CELSR1: variants seen among roughly 807,000 people sequenced by gnomAD.
CELSR1 encodes the protein adhesion G protein-coupled receptor C1.
A neutral mutation model predicts 249.1 loss-of-function variants in CELSR1; 110 were observed. The ratio of observed to expected loss-of-function variants is 0.44; its 90% confidence interval spans 0.38 to 0.52. The LOEUF (loss-of-function observed/expected upper bound fraction) is 0.52, where lower values mean the gene tolerates loss of function less well. Among genes scored for constraint, CELSR1 ranks in the 20% least tolerant of loss-of-function variants. The probability of loss-of-function intolerance (pLI) is 0.00; values close to 1 mark genes in which losing one functional copy is unlikely to be tolerated. For synonymous variants in CELSR1, 2,113 were observed against 1,900.0 expected (o/e 1.11, Z -2.92); for missense variants, 4,109 against 4,296.4 (o/e 0.96, Z 1.22).
chr22:46,524,923 G>T (rs1223937269), intron 1 of CELSR1, among the ~76,000 whole-genome samples: 1 of 152,092 alleles, frequency 6.6e-6, no homozygotes, highest in Non-Finnish European at 1.5e-5. Flanking sequence ...CCTCCACCTG[G>T]CAGGCAGCCC....
Position 46,472,140 on chromosome 22 carries a change from T to C in CELSR1, c.3545-7795A>G, listed in dbSNP as rs2080161925. On this transcript the variant is annotated intron_variant, in intron 1 of 34. Transcript: ENST00000674500. This position sits in a 1 kb window ranked among gnomAD's most constrained non-coding sequence, Gnocchi z 7.0. ...GAAGGGTGAGTCACCTCATTGTGGCTGAGACATGGGAAGGAGACAGAGCAG... is the reference window on the plus strand; with the variant it reads ...GAAGGGTGAGTCACCTCATTGTGGCCGAGACATGGGAAGGAGACAGAGCAG... 6.6e-6 allele frequency among the ~76,000 whole-genome samples: 1 copy of C among 152,100 alleles called. No homozygotes were observed. Among genetic ancestry groups the C allele is most frequent in the Non-Finnish European group, 1.5e-5 (1 of 68,022 alleles).
In CELSR1 at chr22:46,535,984, G is replaced by A; in HGVS notation, c.1187C>T (p.Ala396Val). Reference sequence around the variant, plus strand: ...CTCGTTGAGCTGGAAGACGTCCCACGCGCCCCCCAACACGCGGTAACGCAA... The same window carrying A: ...CTCGTTGAGCTGGAAGACGTCCCACACGCCCCCCAACACGCGGTAACGCAA... Reference protein sequence around the residue: ...ANLRYRVLGGAWDVFQLNESS... With the variant: ...ANLRYRVLGGVWDVFQLNESS... The change falls in exon 1 of 35, where the codon GCG becomes GTG. Residue 396 changes from alanine to valine, a missense_variant. Around this residue, in one of 7 missense-constraint regions of CELSR1, gnomAD observed 673 missense variants for 636.8 expected, o/e 1.06. Coordinates refer to ENST00000674500, the MANE Select transcript of CELSR1 (RefSeq NM_001378328.1). The A allele has an allele frequency of 1.9e-6, 3 of 1,610,608 alleles. No individual in the cohort carries two copies. The highest frequency in any genetic ancestry group is 1.7e-6 in the Non-Finnish European group (2 of 1,179,892).
rs144106703 is a variant in CELSR1 at position 46,464,675 on chromosome 22, C to T, written c.3545-330G>A. On this transcript the variant is annotated intron_variant, in intron 1 of 34. Coordinates refer to ENST00000674500, the MANE Select transcript of CELSR1 (RefSeq NM_001378328.1). This position sits in a 1 kb window ranked among gnomAD's most constrained non-coding sequence, Gnocchi z 8.5. ...GTGCTCAGCAGGGCACCCTGACGACCACCAGGATTCAGCCCCTCACTGCCT... is the reference window on the plus strand; with the variant it reads ...GTGCTCAGCAGGGCACCCTGACGACTACCAGGATTCAGCCCCTCACTGCCT... Among the ~76,000 whole-genome samples the T allele has an allele frequency of 5.6e-3, 846 of 152,322 alleles. 8 individuals carry two copies. The highest frequency in any genetic ancestry group is 0.019 in the African/African-American group (797 of 41,568).
In CELSR1 at chr22:46,437,421, C is replaced by T. The variant is rs890795445; in HGVS notation, c.4407-1132G>A. Among the ~76,000 whole-genome samples the T allele has an allele frequency of 6.6e-6, 1 of 152,310 alleles. No homozygotes were observed. Among genetic ancestry groups the T allele is most frequent in the African/African-American group, 2.4e-5 (1 of 41,568 alleles). Reference sequence around the variant, plus strand: ...TTCCTGCAGCAGGAGTCGGCCCGAGCCAGCCTCGAGCATCTGACCTCAGCC... The same window carrying T: ...TTCCTGCAGCAGGAGTCGGCCCGAGTCAGCCTCGAGCATCTGACCTCAGCC... On this transcript the variant is annotated intron_variant, in intron 3 of 34. Transcript: ENST00000674500. This position sits in a 1 kb window ranked among gnomAD's most constrained non-coding sequence, Gnocchi z 4.9.
In CELSR1 at chr22:46,440,550, G is replaced by A. The variant is rs1002787532; in HGVS notation, c.4184-1139C>T. ...GCATCTCTGACAAATGGATCTCAAC[G>A]ATCTTTTCATTTGCATTTATCTTTG... On this transcript the variant is annotated intron_variant, in intron 2 of 34. Coordinates refer to ENST00000674500, the MANE Select transcript of CELSR1 (RefSeq NM_001378328.1). This position sits in a 1 kb window ranked among gnomAD's most constrained non-coding sequence, Gnocchi z 4.7. Among the ~76,000 whole-genome samples the A allele has an allele frequency of 2.6e-5, 4 of 152,106 alleles. No homozygotes were observed. The highest frequency in any genetic ancestry group is 4.1e-4 in the South Asian group (2 of 4,834).
chr22:46,366,233 G>A (rs1221677098), intron 30 of CELSR1, among the ~76,000 whole-genome samples, 153 bp downstream of exon 30: 7 of 1,520 alleles, frequency 4.6e-3, no homozygotes, highest in Non-Finnish European at 2.5e-3. Flanking sequence ...GTGCGGGGCA[G>A]GGAGGGAAGT....
Position 46,400,000 on chromosome 22 carries a change from G to T in CELSR1, c.5227-98C>A. The T allele has an allele frequency of 1.6e-6, 2 of 1,258,484 alleles. No individual in the cohort carries two copies. The highest frequency in any genetic ancestry group is 2.2e-6 in the Non-Finnish European group (2 of 900,198). 78.0% of individuals were successfully genotyped at this position (1,258,484 alleles called of 1,614,324 possible). A position where few individuals can be genotyped will look rare whatever the true frequency, so the allele number is the denominator to read the frequency against. ...AACAAGGAAGCTGTGAAAGGAGACT[G>T]ATTATGTGGCACCAGATACAAGATA... On this transcript the variant is annotated intron_variant, in intron 9 of 34. Coordinates refer to ENST00000674500, the MANE Select transcript of CELSR1 (RefSeq NM_001378328.1). This position sits in a 1 kb window ranked among gnomAD's most constrained non-coding sequence, Gnocchi z 5.0.
intron 5 of CELSR1, among the ~76,000 whole-genome samples, chr22:46,420,987 T>C (rs558172954): frequency 1.3e-5 from 2 of 152,040 alleles, no homozygotes; most frequent in Non-Finnish European, 2.9e-5. Context: ...GAGCAGCGGA[T>C]ACACGGGTGG....
chr22:46,441,454 C>G lies in CELSR1; in HGVS notation c.4184-2043G>C, dbSNP rs942612247. Among the ~76,000 whole-genome samples, 1 of 152,092 alleles carries G rather than the reference C, an allele frequency of 6.6e-6. No homozygotes were observed. Among genetic ancestry groups the G allele is most frequent in the African/African-American group, 2.4e-5 (1 of 41,414 alleles). ...AACAGACAGAATGAAAACACACTTACGACGCCTCAGTCTGCTTGGGCTGCC... is the reference window on the plus strand; with the variant it reads ...AACAGACAGAATGAAAACACACTTAGGACGCCTCAGTCTGCTTGGGCTGCC... On this transcript the variant is annotated intron_variant, in intron 2 of 34. Transcript: ENST00000674500. This position sits in a 1 kb window ranked among gnomAD's most constrained non-coding sequence, Gnocchi z 6.1.
chr22:46,436,345 G>A lies in CELSR1; in HGVS notation c.4407-56C>T. 7.3e-7 allele frequency: 1 copy of A among 1,373,954 alleles called. No homozygotes were observed. Among genetic ancestry groups the A allele is most frequent in the Admixed American group, 1.8e-5 (1 of 56,524 alleles). 85.1% of individuals were successfully genotyped at this position (1,373,954 alleles called of 1,614,324 possible). A position where few individuals can be genotyped will look rare whatever the true frequency, so the allele number is the denominator to read the frequency against. On this transcript the variant is annotated intron_variant, in intron 3 of 34. Coordinates refer to ENST00000674500, the MANE Select transcript of CELSR1 (RefSeq NM_001378328.1). The surrounding 1 kb of genome is among the most constrained non-coding windows in gnomAD (Gnocchi z 5.9). ...ATGAAGACCCCAGGGTCCAAAGGCT[G>A]CCTAGGAATGACAAGTCCAGCCGGA...
Position 46,526,700 on chromosome 22 carries a change from G to A in CELSR1, c.3544+6927C>T, listed in dbSNP as rs1028272347. On this transcript the variant is annotated intron_variant, in intron 1 of 34. Transcript: ENST00000674500. This position sits in a 1 kb window ranked among gnomAD's most constrained non-coding sequence, Gnocchi z 4.7. ...CCTGCACGTGGTTATTCCTGCTCCAGCTCCCAAGCAGACTGTTCCCCACCC... is the reference window on the plus strand; with the variant it reads ...CCTGCACGTGGTTATTCCTGCTCCAACTCCCAAGCAGACTGTTCCCCACCC... 1.3e-5 allele frequency among the ~76,000 whole-genome samples: 2 copies of A among 152,130 alleles called. No homozygotes were observed. Among genetic ancestry groups the A allele is most frequent in the African/African-American group, 4.8e-5 (2 of 41,420 alleles).
intron 5 of CELSR1, among the ~76,000 whole-genome samples, chr22:46,422,145 G>A (rs184769091): frequency 1.3e-5 from 2 of 151,618 alleles, no homozygotes; most frequent in East Asian, 3.9e-4. Context: ...TCACTCTGTC[G>A]CCCAGGCTAG....
intron 1 of CELSR1, among the ~76,000 whole-genome samples, chr22:46,474,014 C>CAAG (rs1228523583): frequency 2.6e-5 from 4 of 152,148 alleles, no homozygotes; most frequent in Non-Finnish European, 4.4e-5. Flanking sequence ...GTCAGGATGT[C>CAAG]AAGCCACGAG....
At chr22:46,394,037 G>A in intron 14 of CELSR1, 105 bp downstream of exon 14, 1 of 1,435,892 alleles carries the variant, frequency 7.0e-7, no homozygotes, top group Non-Finnish European at 9.5e-7. Context: ...GCAGGGGTGT[G>A]AGTGTGTACC....
At position 46,374,881 on chromosome 22, in the gene CELSR1, G is replaced by T. The variant is rs1267381971; in HGVS notation, c.7585-1824C>A. Among the ~76,000 whole-genome samples, 2 of 152,192 alleles carry T rather than the reference G, an allele frequency of 1.3e-5. No homozygotes were observed. Among genetic ancestry groups the T allele is most frequent in the African/African-American group, 4.8e-5 (2 of 41,458 alleles). ...CTGCCATATGGGCCCCGCACACGGA[G>T]CCCCCGCCAGCCCGGGGCCTCGGCC... On this transcript the variant is annotated intron_variant, in intron 24 of 34. Coordinates refer to ENST00000674500, the MANE Select transcript of CELSR1 (RefSeq NM_001378328.1). The surrounding 1 kb of genome is among the most constrained non-coding windows in gnomAD (Gnocchi z 4.3).
chr22:46,362,963 C>T lies in CELSR1; in HGVS notation c.*260G>A, dbSNP rs776805338. Reference sequence around the variant, plus strand: ...GCGGTGCTGGCCCAGTGGTCCACGCCTCCCTCATGCCTGTGGCCTTTGGCA... The same window carrying T: ...GCGGTGCTGGCCCAGTGGTCCACGCTTCCCTCATGCCTGTGGCCTTTGGCA... On this transcript the variant is annotated 3_prime_UTR_variant, in exon 35 of 35. Coordinates refer to ENST00000674500, the MANE Select transcript of CELSR1 (RefSeq NM_001378328.1). The T allele has an allele frequency of 1.9e-5, 12 of 630,128 alleles. No individual in the cohort carries two copies. Among genetic ancestry groups the T allele is most frequent in the Non-Finnish European group, 3.3e-5 (12 of 365,122 alleles). The allele number at this position is 630,128 out of a possible 1,614,324, so 39.0% of individuals were successfully genotyped here. A position where few individuals can be genotyped will look rare whatever the true frequency, so the allele number is the denominator to read the frequency against.
At chr22:46,451,465 G>A (rs1009566345) in intron 2 of CELSR1, among the ~76,000 whole-genome samples, 3 of 152,350 alleles carry the variant, frequency 2.0e-5, no homozygotes, top group African/African-American at 7.2e-5. Context: ...CTGCTTTGCT[G>A]TTTCTTACGG....
At chr22:46,498,152 G>T (rs1219976596) in intron 1 of CELSR1, among the ~76,000 whole-genome samples, 1 of 151,000 alleles carries the variant, frequency 6.6e-6, no homozygotes, top group East Asian at 2.0e-4. Context: ...GGGAGGCTGA[G>T]GCAGGAGAAT....
chr22:46,414,952 G>A (rs1396511076), intron 5 of CELSR1, among the ~76,000 whole-genome samples: 2 of 152,160 alleles, frequency 1.3e-5, no homozygotes, highest in African/African-American at 2.4e-5. Context: ...CGAAAGGCAC[G>A]AAGCGCTGAC....
Sources: allele counts gnomAD v4.1 joint callset (sites outside exome capture counted in the v4.1 genomes callset), GRCh38; gene constraint gnomAD v4.1.1; regional missense constraint gnomAD v4.1.1; non-coding constraint Gnocchi (gnomAD v3.1); transcripts MANE v1.5; gene names NCBI Gene and HGNC (gene_info 2026-07-23, HGNC 2026-07-21).